Variants in MRC1 observed in about 807,000 individuals in gnomAD.
MRC1 encodes the protein mannose receptor C-type 1.
MRC1 carries 62 observed loss-of-function variants against 102.9 expected under a neutral mutation model. That is an observed-to-expected ratio of 0.60 (90% CI 0.49 to 0.74). The LOEUF is 0.74. Among genes scored for constraint, MRC1 ranks in the 30% least tolerant of loss-of-function variants. MRC1 has a pLI of 0.00. For synonymous variants in MRC1, 457 were observed against 298.4 expected, an observed-to-expected ratio of 1.53 and a Z score of -5.48; for missense variants, 1,237 against 862.8, an observed-to-expected ratio of 1.43 and a Z score of -5.43.
At chr10:17,831,757 A>C (rs1564612269) in intron 3 of MRC1, among the ~76,000 whole-genome samples, 1 of 151,714 alleles carries the variant, frequency 6.6e-6, no homozygotes, top group Non-Finnish European at 1.5e-5. Context: ...ATTAAAAAGA[A>C]AAAAGAAATA....
chr10:17,870,640 C>G (rs1293389859), intron 13 of MRC1, among the ~76,000 whole-genome samples: 3 of 152,204 alleles, frequency 2.0e-5, no homozygotes, highest in Non-Finnish European at 4.4e-5. Context: ...TATTTACTCT[C>G]AGGCAGTGGT....
At chr10:17,836,735 C>T (rs894023695) in intron 4 of MRC1, among the ~76,000 whole-genome samples, 1 of 151,886 alleles carries the variant, frequency 6.6e-6, no homozygotes, top group East Asian at 1.9e-4. Flanking sequence ...ACTCGGGAGG[C>T]TGAGGTAGGA....
At chr10:17,876,411 C>T (rs1001434484) in intron 17 of MRC1, among the ~76,000 whole-genome samples, 8 of 151,976 alleles carry the variant, frequency 5.3e-5, no homozygotes, top group Non-Finnish European at 1.2e-4. Flanking sequence ...CCATGCCTGG[C>T]TAATTTTTGT....
Position 17,900,912 on chromosome 10 carries a change from A to G in MRC1, c.3608A>G (p.His1203Arg), listed in dbSNP as rs1404443386. 10 of 780,610 alleles carry G rather than the reference A, an allele frequency of 1.3e-5. No homozygotes were observed. The highest frequency in any genetic ancestry group is 2.4e-5 in the Non-Finnish European group (10 of 417,916). 48.4% of individuals were successfully genotyped at this position (780,610 alleles called of 1,614,324 possible). A position where few individuals can be genotyped will look rare whatever the true frequency, so the allele number is the denominator to read the frequency against. Residue 1203 changes from histidine (H) to arginine (R), a missense_variant, in exon 25 of 30, where the codon CAT becomes CGT. His to Arg is a conservative substitution (Grantham distance 29). Coordinates refer to ENST00000569591, the MANE Select transcript of MRC1 (RefSeq NM_002438.4). ...CTTGATGGCTACTGGAAGACAGCAC[A>G]TTGCAATGAAAGTTTTTACTTTCTC... is the stretch of plus-strand genomic sequence containing the variant. ...LDLDGYWKTAHCNESFYFLCK... is the reference protein window; with the variant it reads ...LDLDGYWKTARCNESFYFLCK...
chr10:17,868,305 A>G (rs1833306734), intron 12 of MRC1, among the ~76,000 whole-genome samples: 1 of 152,160 alleles, frequency 6.6e-6, no homozygotes, highest in Non-Finnish European at 1.5e-5. Flanking sequence ...AGGCCTCAGG[A>G]AATTACAATC....
intron 9 of MRC1, among the ~76,000 whole-genome samples, chr10:17,858,987 C>T (rs1189501262): frequency 1.3e-5 from 2 of 152,174 alleles, no homozygotes; most frequent in African/African-American, 4.8e-5. Flanking sequence ...AACCTCTTTT[C>T]GTATCTTCAT....
At chr10:17,817,519 A>G (rs962584291) in intron 1 of MRC1, among the ~76,000 whole-genome samples, 1 of 152,114 alleles carries the variant, frequency 6.6e-6, no homozygotes, top group African/African-American at 2.4e-5. Context: ...TTGTCTTTGT[A>G]TTGTCATTAG....
rs574223116 is a variant in MRC1, at chr10:17,828,824, G to A, written c.637+1109G>A. On this transcript the variant is annotated intron_variant, in intron 3 of 29. Transcript: ENST00000569591. ...AAGCACCAGAACAGATGAATTCTTG[G>A]TGTTCTTCCACGCTTAAAAATCTGT... Among the ~76,000 whole-genome samples the A allele has an allele frequency of 4.7e-4, 72 of 151,658 alleles. 3 individuals are homozygous for A. In the South Asian group the frequency reaches 0.015, roughly 31 times the overall value.
chr10:17,826,296 G>A (rs1020261025), intron 2 of MRC1, among the ~76,000 whole-genome samples: 2 of 151,972 alleles, frequency 1.3e-5, no homozygotes, highest in East Asian at 1.9e-4. Flanking sequence ...TCCGCCTCCC[G>A]GGTTCAAGCG....
intron 17 of MRC1, 59 bp downstream of exon 17, chr10:17,875,312 G>C: frequency 1.3e-6 from 1 of 773,330 alleles, no homozygotes; most frequent in Non-Finnish European, 2.4e-6. Flanking sequence ...GGTGTTGTTT[G>C]GTTGTATGGA....
At chr10:17,908,632 G>T (rs1833927888) in intron 28 of MRC1, among the ~76,000 whole-genome samples, 1 of 150,952 alleles carries the variant, frequency 6.6e-6, no homozygotes, top group Non-Finnish European at 1.5e-5. Context: ...CCAGTGGCGT[G>T]ATCTTGGCTC....
Position 17,885,299 on chromosome 10 carries a change from C to T in MRC1, c.3011C>T (p.Thr1004Ile), listed in dbSNP as rs1296063550. 5 of 780,756 alleles carry T rather than the reference C, an allele frequency of 6.4e-6. No homozygotes were observed. The highest frequency in any genetic ancestry group is 1.3e-5 in the South Asian group (1 of 74,624). The allele number at this position is 780,756 out of a possible 1,614,324, so 48.4% of individuals were successfully genotyped here. The change falls in exon 22 of 30, where the codon ACT becomes ATT. Residue 1004 changes from threonine (T) to isoleucine (I), a missense_variant. Transcript: ENST00000569591. ...CTTACCTATCACATGAAGGACTCCA[C>T]TTTCAGTGCCTGGACTGGGCTGAAT... ...AFLTYHMKDS[T>I]FSAWTGLNDV...
chr10:17,824,617 T>C lies in MRC1; in HGVS notation c.463+1142T>C, dbSNP rs1003859446. On this transcript the variant is annotated intron_variant, in intron 2 of 29. Coordinates refer to ENST00000569591, the MANE Select transcript of MRC1 (RefSeq NM_002438.4). ...AAACATAATATAGGTTTAGAAGTGATATGAGGGGCAAGCTAAGTGAACACA... is the reference window on the plus strand; with the variant it reads ...AAACATAATATAGGTTTAGAAGTGACATGAGGGGCAAGCTAAGTGAACACA... Among the ~76,000 whole-genome samples the C allele has an allele frequency of 2.8e-4, 42 of 152,132 alleles. 1 individual carries two copies. The South Asian group carries it at 8.3e-3, about 30-fold the overall frequency.
At chr10:17,898,503 C>G (rs1290279119) in intron 24 of MRC1, among the ~76,000 whole-genome samples, 2 of 152,172 alleles carry the variant, frequency 1.3e-5, no homozygotes, top group African/African-American at 4.8e-5. Flanking sequence ...AATGTTAACT[C>G]TCCTATTGCA....
At chr10:17,846,773 A>G (rs1408124337) in intron 6 of MRC1, among the ~76,000 whole-genome samples, 1 of 152,214 alleles carries the variant, frequency 6.6e-6, no homozygotes, top group African/African-American at 2.4e-5. Flanking sequence ...GTTTAATTTT[A>G]TGGCTGTCCA....
At chr10:17,858,408 C>G (rs1389298797) in intron 9 of MRC1, among the ~76,000 whole-genome samples, 3 of 152,118 alleles carry the variant, frequency 2.0e-5, no homozygotes, top group Non-Finnish European at 2.9e-5. Flanking sequence ...ATGCCGAGTA[C>G]CTAGTGGAAT....
At chr10:17,838,566 AAAAG>A (rs1295125462) in intron 4 of MRC1, among the ~76,000 whole-genome samples, 2 of 151,540 alleles carry the variant, frequency 1.3e-5, no homozygotes, top group Non-Finnish European at 2.9e-5. Flanking sequence ...TAAAAAAAAA[AAAAG>A]AAAGTAAAAA....
intron 4 of MRC1, among the ~76,000 whole-genome samples, chr10:17,835,146 A>G (rs1414305095): frequency 2.0e-5 from 3 of 152,096 alleles, no homozygotes; most frequent in Admixed American, 1.3e-4. Context: ...TCACCCTCAC[A>G]TCTTTTCCCA....
intron 4 of MRC1, 77 bp downstream of exon 4, chr10:17,833,916 A>T (rs1838621807): frequency 2.4e-5 from 18 of 755,448 alleles, no homozygotes; most frequent in Non-Finnish European, 7.4e-6. Flanking sequence ...TCAACAGCAC[A>T]AGTGTTTATA....
Sources: gnomAD v4.1 joint callset for allele counts (sites outside exome capture counted in the v4.1 genomes callset) on GRCh38, gnomAD v4.1.1 for gene constraint, MANE v1.5 for transcripts, NCBI Gene and HGNC (gene_info 2026-07-23, HGNC 2026-07-21) for gene names.